Variants in PPP1CC observed in about 807,000 individuals in gnomAD.
PPP1CC encodes serine/threonine-protein phosphatase PP1-gamma catalytic subunit.
Under a neutral mutation model 38.4 loss-of-function variants are expected in PPP1CC, and 16 were observed. The ratio of observed to expected loss-of-function variants is 0.42; its 90% CI spans 0.28 to 0.63. The LOEUF is 0.63. Among genes scored for constraint, PPP1CC ranks in the 30% least tolerant of loss-of-function variants. The pLI is 0.25. For synonymous variants in PPP1CC, 158 were observed against 136.0 expected (o/e 1.16, Z -1.13); for missense variants, 170 against 391.3 (o/e 0.43, Z 4.77).
At chr12:110,735,881 A>G (rs552111082) in intron 1 of PPP1CC, among the ~76,000 whole-genome samples, 2 of 152,232 alleles carry the variant, frequency 1.3e-5, no homozygotes, top group Non-Finnish European at 2.9e-5. Context: ...CCTGGCCAAC[A>G]TGGTGAAACC....
chr12:110,716,733 A>G (rs1288560042), downstream of PPP1CC, among the ~76,000 whole-genome samples: 1 of 152,214 alleles, frequency 6.6e-6, no homozygotes, highest in African/African-American at 2.4e-5. Flanking sequence ...TATCTTTCAA[A>G]TAACTGACAT....
At chr12:110,735,143 T>A (rs999783227) in intron 1 of PPP1CC, among the ~76,000 whole-genome samples, 1 of 151,166 alleles carries the variant, frequency 6.6e-6, no homozygotes, top group Non-Finnish European at 1.5e-5. Flanking sequence ...AACCTCCACC[T>A]CCTGGGTTCA....
chr12:110,731,909 A>G lies in PPP1CC; in HGVS notation c.56-8T>C. ...CAGGCTTGGACCCTCTCACTGCAAG[A>G]GAAAAATCGCAATTAGTCCAATGAA... is the stretch of plus-strand genomic sequence containing the variant. On this transcript the variant is annotated splice_region_variant and splice_polypyrimidine_tract_variant and intron_variant, in intron 1 of 6. Coordinates refer to ENST00000335007, the MANE Select transcript of PPP1CC (RefSeq NM_002710.4). 5.0e-6 allele frequency: 8 copies of G among 1,609,260 alleles called. No homozygotes were observed. The highest frequency in any genetic ancestry group is 6.8e-6 in the Non-Finnish European group (8 of 1,176,182).
At chr12:110,738,652 C>T in intron 1 of PPP1CC, among the ~76,000 whole-genome samples, 1 of 152,154 alleles carries the variant, frequency 6.6e-6, no homozygotes, top group East Asian at 1.9e-4. Flanking sequence ...TCCATTTGCC[C>T]AGTTATGAGG....
At position 110,722,843 on chromosome 12, in the gene PPP1CC, A is replaced by T; in HGVS notation, c.524-148T>A. On this transcript the variant is annotated intron_variant, in intron 4 of 6. Transcript: ENST00000335007. The surrounding 1 kb of genome is among the most constrained non-coding windows in gnomAD (Gnocchi z 5.4). ...GATTATATTTTATTTACTTTTGGTT[A>T]AAAGAAAAAAACACAGAAAAAGGAC... 1 of 695,950 alleles carries T rather than the reference A, an allele frequency of 1.4e-6. No individual in the cohort carries two copies. Among genetic ancestry groups the T allele is most frequent in the Non-Finnish European group, 2.3e-6 (1 of 431,354 alleles). 43.1% of individuals were successfully genotyped at this position (695,950 alleles called of 1,614,324 possible). A position where few individuals can be genotyped will look rare whatever the true frequency, so the allele number is the denominator to read the frequency against.
chr12:110,713,476 T>C, the PPP1CC span, among the ~76,000 whole-genome samples: 1 of 152,094 alleles, frequency 6.6e-6, no homozygotes, highest in Non-Finnish European at 1.5e-5. Context: ...TTGAACTTCT[T>C]AGCTATTTGG....
At chr12:110,731,721 C>T in intron 2 of PPP1CC, 49 bp downstream of exon 2, 3 of 1,575,528 alleles carry the variant, frequency 1.9e-6, no homozygotes, top group Non-Finnish European at 2.6e-6. Flanking sequence ...ATCCTTGACT[C>T]AGTTAATCAA....
chr12:110,729,236 C>G (rs974591335), intron 3 of PPP1CC, among the ~76,000 whole-genome samples: 4 of 150,200 alleles, frequency 2.7e-5, no homozygotes, highest in African/African-American at 4.9e-5. Flanking sequence ...ACTCTGCCAC[C>G]CAGGCTGGAC....
the PPP1CC span, among the ~76,000 whole-genome samples, chr12:110,710,193 C>G: frequency 1.3e-5 from 2 of 151,838 alleles, no homozygotes; most frequent in Non-Finnish European, 2.9e-5. Flanking sequence ...TAATACACCT[C>G]ATTATATTTC....
the PPP1CC span, among the ~76,000 whole-genome samples, chr12:110,714,473 C>T: frequency 6.6e-6 from 1 of 151,968 alleles, no homozygotes; most frequent in African/African-American, 2.4e-5. Flanking sequence ...GTCCATTCCA[C>T]CTCTCAATCT....
chr12:110,740,004 T>C (rs1009115533), intron 1 of PPP1CC, among the ~76,000 whole-genome samples: 3 of 152,162 alleles, frequency 2.0e-5, no homozygotes, highest in Admixed American at 6.5e-5. Flanking sequence ...GCAGAGGTGA[T>C]GCCTCGCTTA....
Position 110,720,011 on chromosome 12 carries a change from A to C in PPP1CC, c.*1065T>G. ...CTTTTTTAACAGATCTTAGTTTAAA[A>C]AAGTCATAGGTACTGTGAGTTCTGT... On this transcript the variant is annotated 3_prime_UTR_variant, in exon 7 of 7. Transcript: ENST00000335007. 1.3e-6 allele frequency: 1 copy of C among 784,630 alleles called. No individual in the cohort carries two copies. The allele number at this position is 784,630 out of a possible 1,614,324, so 48.6% of individuals were successfully genotyped here.
At position 110,722,205 on chromosome 12, in the gene PPP1CC, T is replaced by C. The variant is rs2069746745; in HGVS notation, c.812A>G (p.Asn271Ser). Reference protein sequence around the residue: ...RQLVTLFSAPNYCGEFDNAGA... With the variant: ...RQLVTLFSAPSYCGEFDNAGA... ...TGCATTGTCAAACTCTCCGCAATAA[T>C]TGGGCGCAGAAAACAGAGTGACCAA... The change falls in exon 6 of 7, where the codon AAT (asparagine) becomes AGT (serine). Residue 271 changes from asparagine to serine, a missense_variant. Physicochemically the swap from Asn to Ser is conservative, Grantham distance 46 (BLOSUM62 1). Around this residue, in one of 3 missense-constraint regions of PPP1CC, gnomAD observed 117 missense variants for 344.4 expected, o/e 0.34. Transcript: ENST00000335007. This position sits in a 1 kb window ranked among gnomAD's most constrained non-coding sequence, Gnocchi z 5.4. The C allele has an allele frequency of 4.3e-6, 7 of 1,614,184 alleles. No homozygotes were observed. Among genetic ancestry groups the C allele is most frequent in the Non-Finnish European group, 5.9e-6 (7 of 1,180,022 alleles).
chr12:110,732,746 C>T (rs571645890), intron 1 of PPP1CC: 16 of 152,312 alleles, frequency 1.1e-4, no homozygotes, highest in African/African-American at 3.9e-4. Flanking sequence ...CAGCATGGGG[C>T]ATCCACACCA....
chr12:110,728,408 A>C (rs139423850), intron 3 of PPP1CC, among the ~76,000 whole-genome samples: 6,909 of 148,532 alleles, frequency 0.047, 502 homozygotes, highest in African/African-American at 0.16. Context: ...AAAAAAAAAA[A>C]AAAAAACAAA....
At chr12:110,741,589 G>A (rs2070017945) in intron 1 of PPP1CC, among the ~76,000 whole-genome samples, 1 of 152,112 alleles carries the variant, frequency 6.6e-6, no homozygotes, top group Admixed American at 6.6e-5. Context: ...CAATTGCCAG[G>A]CACCTCACAA....
At chr12:110,714,805 CAAAAAAAAAAAAA>C (rs1164975036), downstream of PPP1CC, among the ~76,000 whole-genome samples, 1 of 22,064 alleles carries the variant, frequency 4.5e-5, no homozygotes, top group Non-Finnish European at 8.1e-5. Context: ...GACTCTGTCT[CAAAAAAAAAAAAA>C]AAAAAAAAAA....
chr12:110,713,011 T>C, the PPP1CC span, among the ~76,000 whole-genome samples: 2 of 151,876 alleles, frequency 1.3e-5, no homozygotes, highest in African/African-American at 4.8e-5. Context: ...AGGTGGAGGT[T>C]GCGGTGAGCC....
Position 110,727,495 on chromosome 12 carries a change from G to A in PPP1CC, c.419-2731C>T, listed in dbSNP as rs138180466. ...ATCCTAAGATTCTGAGCCATAACCT[G>A]TAATGCGGTTTCGCATTACTGTACA... is the stretch of plus-strand genomic sequence containing the variant. On this transcript the variant is annotated intron_variant, in intron 3 of 6. Transcript: ENST00000335007. 6.4e-3 allele frequency among the ~76,000 whole-genome samples: 976 copies of A among 152,020 alleles called. 4 individuals carry two copies. The highest frequency in any genetic ancestry group is 0.011 in the Non-Finnish European group (748 of 68,008).
Sources: gnomAD v4.1 joint callset for allele counts (sites outside exome capture counted in the v4.1 genomes callset) on GRCh38, gnomAD v4.1.1 for gene constraint, gnomAD v4.1.1 regional missense constraint, Gnocchi (gnomAD v3.1) non-coding constraint, MANE v1.5 for transcripts, NCBI Gene and HGNC (gene_info 2026-07-23, HGNC 2026-07-21) for gene names.